The following CDKAL1 variants were observed in gnomAD, a reference collection of about 807,000 sequenced individuals.
CDKAL1 encodes the protein threonylcarbamoyladenosine tRNA methylthiotransferase.
In CDKAL1, 32 loss-of-function variants were observed where a neutral mutation model predicts 68.2. The ratio of observed to expected loss-of-function variants is 0.47; its 90% confidence interval spans 0.35 to 0.63. CDKAL1 has a LOEUF of 0.63. CDKAL1 is among the 30% of genes least tolerant of loss of function. The pLI is 0.00. For synonymous variants in CDKAL1, 234 were observed against 244.3 expected (o/e 0.96, Z 0.39); for missense variants, 606 against 696.7 (o/e 0.87, Z 1.47).
chr6:20,683,670 CA>C (rs1770486583), intron 5 of CDKAL1, among the ~76,000 whole-genome samples: 1 of 152,166 alleles, frequency 6.6e-6, no homozygotes, highest in Non-Finnish European at 1.5e-5. Flanking sequence ...CAGTATCCCC[CA>C]TCAGAATGGT....
chr6:20,711,069 T>A (rs1771821478), intron 5 of CDKAL1, among the ~76,000 whole-genome samples: 1 of 152,128 alleles, frequency 6.6e-6, no homozygotes, highest in Admixed American at 6.5e-5. Flanking sequence ...CCTCTAGAGG[T>A]GTGGCTTTTT....
chr6:21,046,553 C>T (rs1456903020), intron 11 of CDKAL1, among the ~76,000 whole-genome samples: 1 of 152,238 alleles, frequency 6.6e-6, no homozygotes, highest in Non-Finnish European at 1.5e-5. Flanking sequence ...AGCTGTGAAG[C>T]AGCCGCAGCT....
At chr6:20,881,298 A>C (rs907290198) in intron 9 of CDKAL1, among the ~76,000 whole-genome samples, 3 of 152,158 alleles carry the variant, frequency 2.0e-5, no homozygotes, top group African/African-American at 7.2e-5. Context: ...CTGGGACTAC[A>C]CTCCAAGAAA....
At chr6:20,544,974 TG>T in intron 2 of CDKAL1, among the ~76,000 whole-genome samples, 1 of 151,722 alleles carries the variant, frequency 6.6e-6, no homozygotes, top group Admixed American at 6.6e-5. Flanking sequence ...TTTGTGTGTG[TG>T]TGTGTGTGTG....
intron 10 of CDKAL1, among the ~76,000 whole-genome samples, chr6:20,959,708 A>C (rs1764960750): frequency 6.6e-6 from 1 of 152,212 alleles, no homozygotes; most frequent in South Asian, 2.1e-4. Context: ...GTAGTGGCAA[A>C]TAAGATGTAT....
At chr6:20,608,605 A>G (rs753451023) in intron 4 of CDKAL1, among the ~76,000 whole-genome samples, 2 of 152,172 alleles carry the variant, frequency 1.3e-5, no homozygotes, top group Non-Finnish European at 2.9e-5. Flanking sequence ...GAGGAAGCCA[A>G]TTATTTTTGA....
At chr6:20,935,859 C>T (rs1008326932) in intron 9 of CDKAL1, among the ~76,000 whole-genome samples, 1 of 152,168 alleles carries the variant, frequency 6.6e-6, no homozygotes, top group Non-Finnish European at 1.5e-5. Context: ...CATATGGATT[C>T]CTCTTCTGCT....
At chr6:20,974,987 A>G (rs1326229028) in intron 10 of CDKAL1, among the ~76,000 whole-genome samples, 2 of 149,716 alleles carry the variant, frequency 1.3e-5, no homozygotes, top group East Asian at 3.9e-4. Flanking sequence ...TCAAAAAAAA[A>G]AAAAAAAAAA....
In CDKAL1 at chr6:20,619,266, G is replaced by A. The variant is rs1233648514; in HGVS notation, c.287-30027G>A. 2.0e-5 allele frequency among the ~76,000 whole-genome samples: 3 copies of A among 152,284 alleles called. No individual in the cohort carries two copies. In the South Asian group the frequency reaches 6.2e-4, roughly 32 times the overall value. ...TCTTTTGAAAAATAGAAAGCCAGAG[G>A]TTGCAAGGCTTTAGTTAGGAGTAAA... On this transcript the variant is annotated intron_variant, in intron 4 of 15. Transcript: ENST00000274695.
At chr6:20,847,907 G>C (rs184924129) in intron 9 of CDKAL1, among the ~76,000 whole-genome samples, 32 of 152,298 alleles carry the variant, frequency 2.1e-4, no homozygotes, top group African/African-American at 7.5e-4. Context: ...TGTGGGAGCA[G>C]GTCTGAGCAG....
At chr6:20,582,467 A>G (rs978957700) in intron 4 of CDKAL1, among the ~76,000 whole-genome samples, 35 of 152,310 alleles carry the variant, frequency 2.3e-4, no homozygotes, top group African/African-American at 7.9e-4. Context: ...CTGGCTTTTC[A>G]TGAAGCAATT....
intron 4 of CDKAL1, among the ~76,000 whole-genome samples, chr6:20,633,935 C>G (rs1343641668): frequency 6.6e-6 from 1 of 151,992 alleles, no homozygotes. Context: ...TTGTTTTGAC[C>G]AAGTAAGTTT....
At chr6:20,814,618 T>C (rs142741776) in intron 8 of CDKAL1, among the ~76,000 whole-genome samples, 274 of 152,376 alleles carry the variant, frequency 1.8e-3, no homozygotes, top group African/African-American at 5.7e-3. Flanking sequence ...ATGCAGCTAT[T>C]GAACAGCTTT....
At chr6:20,593,007 C>T (rs1765659279) in intron 4 of CDKAL1, among the ~76,000 whole-genome samples, 1 of 152,154 alleles carries the variant, frequency 6.6e-6, no homozygotes. Context: ...CCTTGCATCC[C>T]AGGGATGAAG....
chr6:20,565,872 T>A (rs1764441260), intron 4 of CDKAL1, among the ~76,000 whole-genome samples: 1 of 152,180 alleles, frequency 6.6e-6, no homozygotes, highest in Non-Finnish European at 1.5e-5. Context: ...TCACCTCTTT[T>A]AGTAGATGTG....
chr6:20,878,087 A>C (rs1487522186), intron 9 of CDKAL1, among the ~76,000 whole-genome samples: 1 of 152,164 alleles, frequency 6.6e-6, no homozygotes, highest in Non-Finnish European at 1.5e-5. Flanking sequence ...CCTTCTTGGC[A>C]ATACTGTGGT....
At chr6:21,073,481 T>C (rs1378529806) in intron 12 of CDKAL1, among the ~76,000 whole-genome samples, 3 of 152,226 alleles carry the variant, frequency 2.0e-5, no homozygotes, top group African/African-American at 7.2e-5. Flanking sequence ...TTTTGTTCCA[T>C]ATCCTTGCCA....
chr6:21,068,408 T>C (rs1240559017), intron 12 of CDKAL1, among the ~76,000 whole-genome samples: 1 of 152,176 alleles, frequency 6.6e-6, no homozygotes, highest in Non-Finnish European at 1.5e-5. Flanking sequence ...TGTGTTTGGG[T>C]TTCAGGGGAA....
intron 5 of CDKAL1, among the ~76,000 whole-genome samples, chr6:20,650,590 G>T (rs7766844): frequency 1.3e-5 from 2 of 152,012 alleles, no homozygotes; most frequent in Non-Finnish European, 2.9e-5. Flanking sequence ...TGCTTTTGTC[G>T]AAATTGCTTT....
Sources: gnomAD v4.1 joint callset for allele counts (sites outside exome capture counted in the v4.1 genomes callset) on GRCh38, gnomAD v4.1.1 for gene constraint, MANE v1.5 for transcripts, NCBI Gene and HGNC (gene_info 2026-07-23, HGNC 2026-07-21) for gene names.